PTPN6: variants seen among roughly 807,000 people sequenced by gnomAD.
PTPN6 encodes protein tyrosine phosphatase non-receptor type 6, also known as tyrosine-protein phosphatase non-receptor type 6.
A neutral mutation model predicts 81.5 loss-of-function variants in PTPN6; 18 were observed. The observed-to-expected ratio is 0.22, with a 90% CI of 0.15 to 0.33. The LOEUF is 0.33. Among genes scored for constraint, PTPN6 ranks in the 10% least tolerant of loss-of-function variants. PTPN6 has a pLI of 1.00. For missense variants in PTPN6, 500 were observed against 794.2 expected, an observed-to-expected ratio of 0.63 and a Z score of 4.45; for synonymous variants, 301 against 310.9, an observed-to-expected ratio of 0.97 and a Z score of 0.33.
At position 6,955,445 on chromosome 12, in the gene PTPN6, C is replaced by T. The variant is rs782356549; in HGVS notation, c.707C>T (p.Ser236Phe). Reference protein sequence around the residue: ...RVLELNKKQESEDTAKAGFWE... With the variant: ...RVLELNKKQEFEDTAKAGFWE... ...TTGGAACTGAACAAGAAGCAGGAGT[C>T]CGAGGATACAGCCAAGGCTGGCTTC... The change falls in exon 6 of 16, where the codon TCC (serine) becomes TTC (phenylalanine). Residue 236 changes from serine (S) to phenylalanine (F), a missense_variant. Physicochemically the swap from Ser to Phe is radical, Grantham distance 155 (BLOSUM62 -2). Coordinates refer to ENST00000318974, the MANE Select transcript of PTPN6 (RefSeq NM_002831.6). The surrounding 1 kb of genome is among the most constrained non-coding windows in gnomAD (Gnocchi z 7.2). 6.2e-7 allele frequency: 1 copy of T among 1,614,050 alleles called. No homozygotes were observed. Among genetic ancestry groups the T allele is most frequent in the South Asian group, 1.1e-5 (1 of 91,056 alleles).
Position 6,957,740 on chromosome 12 carries a change from A to T in PTPN6, c.1161A>T (p.Thr387=), listed in dbSNP as rs1555148963. Residue 387 remains threonine, a synonymous_variant, in exon 10 of 16, where the codon ACA becomes ACT. Coordinates refer to ENST00000318974, the MANE Select transcript of PTPN6 (RefSeq NM_002831.6). This position sits in a 1 kb window ranked among gnomAD's most constrained non-coding sequence, Gnocchi z 6.5. ...TGACCAACTGCGGGGAGCATGACAC[A>T]ACCGAATACAAACTCCGTACCTTAC... The part of the protein sequence containing the change: ...YSVTNCGEHD[T]TEYKLRTLQV... 1 of 1,614,040 alleles carries T rather than the reference A, an allele frequency of 6.2e-7. No individual in the cohort carries two copies. The highest frequency in any genetic ancestry group is 1.7e-5 in the Admixed American group (1 of 60,022).
At chr12:6,958,356 G>T (rs1416975754) in intron 11 of PTPN6, among the ~76,000 whole-genome samples, 1 of 152,232 alleles carries the variant, frequency 6.6e-6, no homozygotes, top group Non-Finnish European at 1.5e-5. Flanking sequence ...CCGGGACCCA[G>T]TTGCTGGCCA....
chr12:6,960,273 G>GC lies in PTPN6; in HGVS notation c.1581+35dup. On this transcript the variant is annotated intron_variant, in intron 13 of 15. Transcript: ENST00000318974. This position sits in a 1 kb window ranked among gnomAD's most constrained non-coding sequence, Gnocchi z 6.1. ...AGAGCAGGGCCTGGGGGGGGGGGGG[G>GC]CTGCAGTGCAGGATGGGTGCCACCT... 6.3e-7 allele frequency: 1 copy of GC among 1,577,006 alleles called. No individual in the cohort carries two copies.
Position 6,961,249 on chromosome 12 carries a change from T to G in PTPN6, c.*149T>G. 1 of 381,940 alleles carries G rather than the reference T, an allele frequency of 2.6e-6. No individual in the cohort carries two copies. The highest frequency in any genetic ancestry group is 5.0e-6 in the Non-Finnish European group (1 of 198,664). The allele number at this position is 381,940 out of a possible 1,614,324, so 23.7% of individuals were successfully genotyped here. A position where few individuals can be genotyped will look rare whatever the true frequency, so the allele number is the denominator to read the frequency against. On this transcript the variant is annotated 3_prime_UTR_variant, in exon 16 of 16. Coordinates refer to ENST00000318974, the MANE Select transcript of PTPN6 (RefSeq NM_002831.6). ...CCCCACCTCTCCCTGACCCTGTATA[T>G]AGCCCAGCCAGGCCCCAGGCAGGGC... is the stretch of plus-strand genomic sequence containing the variant.
rs1305832591 is a variant in PTPN6, at chr12:6,951,847, C to A, written c.131+116C>A. ...TGCTGACTCCCCGTCTGTTCCCTTGCCCCCAACCCCCACACTCCCCATCCC... is the reference window on the plus strand; with the variant it reads ...TGCTGACTCCCCGTCTGTTCCCTTGACCCCAACCCCCACACTCCCCATCCC... On this transcript the variant is annotated intron_variant, in intron 2 of 15. Coordinates refer to ENST00000318974, the MANE Select transcript of PTPN6 (RefSeq NM_002831.6). This position sits in a 1 kb window ranked among gnomAD's most constrained non-coding sequence, Gnocchi z 7.2. 1.3e-6 allele frequency: 2 copies of A among 1,572,792 alleles called. No homozygotes were observed. The highest frequency in any genetic ancestry group is 2.2e-5 in the East Asian group (1 of 44,602).
chr12:6,955,383 C>T lies in PTPN6; in HGVS notation c.645C>T (p.Ala215=). The T allele has an allele frequency of 6.2e-7, 1 of 1,614,128 alleles. No individual in the cohort carries two copies. The highest frequency in any genetic ancestry group is 8.5e-7 in the Non-Finnish European group (1 of 1,180,000). ...AFVYLRQPYY[A]TRVNAADIEN... ...CTTCCCCACCCCAGCCGTACTATGC[C>T]ACGAGGGTGAATGCGGCTGACATTG... Residue 215 remains alanine, a synonymous_variant, in exon 6 of 16, where the codon GCC becomes GCT. Coordinates refer to ENST00000318974, the MANE Select transcript of PTPN6 (RefSeq NM_002831.6). The surrounding 1 kb of genome is among the most constrained non-coding windows in gnomAD (Gnocchi z 7.2).
At chr12:6,946,760 G>C, upstream of PTPN6, 1 of 1,608,458 alleles carries the variant, frequency 6.2e-7, no homozygotes, top group Non-Finnish European at 8.5e-7. Flanking sequence ...GGCACCATCG[G>C]GGTCCCAGTC....
rs1385524562 is a variant in PTPN6 at position 6,956,164 on chromosome 12, G to A, written c.867G>A (p.Leu289=). 6.2e-7 allele frequency: 1 copy of A among 1,614,090 alleles called. No homozygotes were observed. The highest frequency in any genetic ancestry group is 8.5e-7 in the Non-Finnish European group (1 of 1,180,044). ...ILPFDHSRVI[L]QGRDSNIPGS... is the part of the protein sequence containing the mutation. The stretch of plus-strand genomic sequence containing the variant: ...CAGTTGACCACAGCCGAGTGATCCT[G>A]CAGGGACGGGACAGTAACATCCCCG... Residue 289 remains leucine (L), a synonymous_variant, in exon 8 of 16, where the codon CTG becomes CTA. Transcript: ENST00000318974. This position sits in a 1 kb window ranked among gnomAD's most constrained non-coding sequence, Gnocchi z 4.1.
upstream of PTPN6, chr12:6,951,177 G>C: frequency 7.7e-7 from 1 of 1,303,932 alleles, no homozygotes; most frequent in Non-Finnish European, 1.0e-6. This position sits in a 1 kb window ranked among gnomAD's most constrained non-coding sequence, Gnocchi z 7.2. Flanking sequence ...TATGTGCAAT[G>C]CCATGCTCCT....
Position 6,951,570 on chromosome 12 carries a change from C to A in PTPN6, c.9-39C>A, listed in dbSNP as rs1945925424. ...ACAGGAGGCAAGGGTGCCTGGTGCC[C>A]ACGGGACCCCTCCTCACTGCCCTGC... On this transcript the variant is annotated intron_variant, in intron 1 of 15. Transcript: ENST00000318974. This position sits in a 1 kb window ranked among gnomAD's most constrained non-coding sequence, Gnocchi z 7.2. 2.5e-6 allele frequency: 4 copies of A among 1,614,030 alleles called. No individual in the cohort carries two copies. The Admixed American group carries it at 6.7e-5, about 27-fold the overall frequency.
upstream of PTPN6, among the ~76,000 whole-genome samples, chr12:6,948,784 C>T (rs1358569655): frequency 1.4e-5 from 2 of 147,198 alleles, no homozygotes; most frequent in Non-Finnish European, 3.0e-5. Flanking sequence ...ACTAAAGATA[C>T]AAAAAAAAAA....
At position 6,955,867 on chromosome 12, in the gene PTPN6, C is replaced by T. The variant is rs1591688149; in HGVS notation, c.844+111C>T. 2 of 1,035,562 alleles carry T rather than the reference C, an allele frequency of 1.9e-6. No individual in the cohort carries two copies. The highest frequency in any genetic ancestry group is 2.5e-5 in the East Asian group (1 of 40,378). The allele number at this position is 1,035,562 out of a possible 1,614,324, so 64.1% of individuals were successfully genotyped here. On this transcript the variant is annotated intron_variant, in intron 7 of 15. Transcript: ENST00000318974. This position sits in a 1 kb window ranked among gnomAD's most constrained non-coding sequence, Gnocchi z 7.2. The stretch of plus-strand genomic sequence containing the variant: ...GCCAGGAGGGGCCATCTCCCCACAC[C>T]CCCCACAGAGCCTCCCCCTTCTCCA...
In PTPN6 at chr12:6,956,411, G is replaced by T. The variant is rs1555148687; in HGVS notation, c.925-8G>T. 1 of 1,614,126 alleles carries T rather than the reference G, an allele frequency of 6.2e-7. No individual in the cohort carries two copies. Among genetic ancestry groups the T allele is most frequent in the Non-Finnish European group, 8.5e-7 (1 of 1,180,016 alleles). On this transcript the variant is annotated splice_polypyrimidine_tract_variant and splice_region_variant and intron_variant, in intron 8 of 15. Coordinates refer to ENST00000318974, the MANE Select transcript of PTPN6 (RefSeq NM_002831.6). The surrounding 1 kb of genome is among the most constrained non-coding windows in gnomAD (Gnocchi z 4.1). ...TCTTGGGGTGCGTCTCTCCACGCTT[G>T]CGTCCAGAACCAGCTGCTAGGCCCT...
Position 6,955,841 on chromosome 12 carries a change from C to G in PTPN6, c.844+85C>G. On this transcript the variant is annotated intron_variant, in intron 7 of 15. Transcript: ENST00000318974. The surrounding 1 kb of genome is among the most constrained non-coding windows in gnomAD (Gnocchi z 7.2). ...TCATCTCACAGGTCTCCACCCTCCA[C>G]GCCAGGAGGGGCCATCTCCCCACAC... 22 of 1,274,090 alleles carry G rather than the reference C, an allele frequency of 1.7e-5. No homozygotes were observed. Among genetic ancestry groups the G allele is most frequent in the Non-Finnish European group, 2.4e-5 (21 of 877,624 alleles). 78.9% of individuals were successfully genotyped at this position (1,274,090 alleles called of 1,614,324 possible). A position where few individuals can be genotyped will look rare whatever the true frequency, so the allele number is the denominator to read the frequency against.
At position 6,956,566 on chromosome 12, in the gene PTPN6, C is replaced by CGGGTAG; in HGVS notation, c.1074+1_1074+6dup. The CGGGTAG allele has an allele frequency of 6.2e-7, 1 of 1,613,462 alleles. No homozygotes were observed. The highest frequency in any genetic ancestry group is 8.5e-7 in the Non-Finnish European group (1 of 1,179,996). ...GACCACCCGAGAGGTGGAGAAAGGCCGGGTAGGGCGCCCCCCCTTCCCCGC... is the reference window on the plus strand; with the variant it reads ...GACCACCCGAGAGGTGGAGAAAGGCCGGGTAGGGGTAGGGCGCCCCCCCTTCCCCGC... On this transcript the variant is annotated inframe_insertion and splice_region_variant, in exon 9 of 16. Transcript: ENST00000318974. This position sits in a 1 kb window ranked among gnomAD's most constrained non-coding sequence, Gnocchi z 4.1.
intron 11 of PTPN6, among the ~76,000 whole-genome samples, 160 bp downstream of exon 11, chr12:6,958,233 G>C (rs182519488): frequency 3.2e-3 from 491 of 152,340 alleles, no homozygotes; most frequent in Middle Eastern, 6.8e-3. Context: ...AGAACCCTGG[G>C]TGGATCGTGG....
chr12:6,956,070 G>C lies in PTPN6; in HGVS notation c.845-72G>C. On this transcript the variant is annotated intron_variant, in intron 7 of 15. Transcript: ENST00000318974. This position sits in a 1 kb window ranked among gnomAD's most constrained non-coding sequence, Gnocchi z 4.1. ...AGACCAGAATGGCCTGTTAGCTCAG[G>C]AGGGTCTGACCCAGGTGTGGTGAGT... 1 of 1,486,076 alleles carries C rather than the reference G, an allele frequency of 6.7e-7. No individual in the cohort carries two copies. The highest frequency in any genetic ancestry group is 1.1e-5 in the South Asian group (1 of 88,164). The allele number at this position is 1,486,076 out of a possible 1,614,324, so 92.1% of individuals were successfully genotyped here. A position where few individuals can be genotyped will look rare whatever the true frequency, so the allele number is the denominator to read the frequency against.
chr12:6,959,324 C>T lies in PTPN6; in HGVS notation c.1362-603C>T, dbSNP rs779705577. The stretch of plus-strand genomic sequence containing the variant: ...ACAATCTGGGTTTGAAATTAGACAG[C>T]GCGACTCAGGGCATCAGCTTGCTGG... On this transcript the variant is annotated intron_variant, in intron 11 of 15. Transcript: ENST00000318974. This position sits in a 1 kb window ranked among gnomAD's most constrained non-coding sequence, Gnocchi z 6.6. 6 of 159,140 alleles carry T rather than the reference C, an allele frequency of 3.8e-5. No homozygotes were observed. In the East Asian group the frequency reaches 5.6e-4, roughly 15 times the overall value. 9.9% of individuals were successfully genotyped at this position (159,140 alleles called of 1,614,324 possible).
intron 11 of PTPN6, among the ~76,000 whole-genome samples, 180 bp downstream of exon 11, chr12:6,958,253 G>A (rs1336224953): frequency 2.0e-5 from 3 of 152,202 alleles, no homozygotes; most frequent in Non-Finnish European, 2.9e-5. Flanking sequence ...GCTGGAACCA[G>A]CCCCACTTTG....
Sources: allele counts gnomAD v4.1 joint callset (sites outside exome capture counted in the v4.1 genomes callset), GRCh38; gene constraint gnomAD v4.1.1; non-coding constraint Gnocchi (gnomAD v3.1); transcripts MANE v1.5; gene names NCBI Gene and HGNC (gene_info 2026-07-23, HGNC 2026-07-21).